Variants in AGPAT3 observed in about 807,000 individuals in gnomAD.
AGPAT3 encodes 1-acyl-sn-glycerol-3-phosphate acyltransferase gamma.
A neutral mutation model predicts 47.3 loss-of-function variants in AGPAT3; 5 were observed. The observed-to-expected ratio is 0.11, with a 90% confidence interval of 0.06 to 0.22. The LOEUF (loss-of-function observed/expected upper bound fraction) is 0.22, where lower values mean the gene tolerates loss of function less well. AGPAT3 is among the 10% of genes least tolerant of loss of function. AGPAT3 has a pLI of 1.00. For missense variants in AGPAT3, 315 were observed against 493.0 expected (o/e 0.64, Z 3.42); for synonymous variants, 212 against 208.3 (o/e 1.02, Z -0.15).
At chr21:43,910,408 G>A (rs2086606466) in intron 2 of AGPAT3, among the ~76,000 whole-genome samples, 1 of 152,356 alleles carries the variant, frequency 6.6e-6, no homozygotes, top group African/African-American at 2.4e-5. Flanking sequence ...AGGAGGAGGT[G>A]AAGTGCTAAT....
In AGPAT3 at chr21:43,970,370, T is replaced by C. The variant is rs2089343484; in HGVS notation, c.511-283T>C. On this transcript the variant is annotated intron_variant, in intron 5 of 9. Transcript: ENST00000291572. The surrounding 1 kb of genome is among the most constrained non-coding windows in gnomAD (Gnocchi z 5.8). ...GAAACCCTCTCTGTTTTCACACTGC[T>C]CAGAGGCTGCTGCCCCAACACACCT... Among the ~76,000 whole-genome samples the C allele has an allele frequency of 6.6e-6, 1 of 152,216 alleles. No homozygotes were observed. Among genetic ancestry groups the C allele is most frequent in the Admixed American group, 6.5e-5 (1 of 15,280 alleles).
At chr21:43,881,062 T>C (rs1031637753) in intron 1 of AGPAT3, among the ~76,000 whole-genome samples, 1 of 152,218 alleles carries the variant, frequency 6.6e-6, no homozygotes, top group Non-Finnish European at 1.5e-5. Flanking sequence ...TAGTAATTAC[T>C]AATTGTTTTT....
intron 2 of AGPAT3, among the ~76,000 whole-genome samples, chr21:43,944,051 C>T (rs1802833136): frequency 6.6e-6 from 1 of 152,330 alleles, no homozygotes; most frequent in East Asian, 1.9e-4. Context: ...CTCAGGACAG[C>T]AGCATCCACT....
At chr21:43,891,773 C>T (rs2086106981) in intron 1 of AGPAT3, among the ~76,000 whole-genome samples, 1 of 152,188 alleles carries the variant, frequency 6.6e-6, no homozygotes, top group African/African-American at 2.4e-5. Context: ...ACTTCTTCTG[C>T]TGAAGTCTTG....
At chr21:43,960,422 A>G (rs949374623) in intron 3 of AGPAT3, among the ~76,000 whole-genome samples, 2 of 152,222 alleles carry the variant, frequency 1.3e-5, no homozygotes, top group Non-Finnish European at 2.9e-5. Flanking sequence ...GTGGACAGGT[A>G]ACCGCTCACA....
At chr21:43,940,917 C>G (rs901908579) in intron 2 of AGPAT3, among the ~76,000 whole-genome samples, 11 of 152,348 alleles carry the variant, frequency 7.2e-5, no homozygotes, top group African/African-American at 2.6e-4. Context: ...GACTCGGTCC[C>G]AACCCCGCTG....
chr21:43,973,962 A>G (rs1439064721), intron 7 of AGPAT3, among the ~76,000 whole-genome samples: 2 of 152,208 alleles, frequency 1.3e-5, no homozygotes, highest in African/African-American at 4.8e-5. Context: ...TAGAATTTTT[A>G]TTTATATTTA....
rs1601346122 is a variant in AGPAT3 at position 43,933,699 on chromosome 21, G to A, written c.-48-25935G>A. Among the ~76,000 whole-genome samples, 3 of 151,950 alleles carry A rather than the reference G, an allele frequency of 2.0e-5. No homozygotes were observed. In the South Asian group the frequency reaches 6.2e-4, roughly 32 times the overall value. On this transcript the variant is annotated intron_variant, in intron 2 of 9. Transcript: ENST00000291572. This position sits in a 1 kb window ranked among gnomAD's most constrained non-coding sequence, Gnocchi z 6.0. ...TGTAGCAGCAAATGTGGGAGGGGCAGCACAGGGGAAAGGTGAGGGGAGAGT... is the reference window on the plus strand; with the variant it reads ...TGTAGCAGCAAATGTGGGAGGGGCAACACAGGGGAAAGGTGAGGGGAGAGT...
At chr21:43,950,397 T>G (rs985303744) in intron 2 of AGPAT3, among the ~76,000 whole-genome samples, 2 of 152,228 alleles carry the variant, frequency 1.3e-5, no homozygotes, top group Non-Finnish European at 1.5e-5. Flanking sequence ...TTCAGGCTTA[T>G]GAAGAGGTAA....
At chr21:43,917,441 G>A (rs1601298509) in intron 2 of AGPAT3, among the ~76,000 whole-genome samples, 2 of 152,228 alleles carry the variant, frequency 1.3e-5, no homozygotes, top group Non-Finnish European at 2.9e-5. Flanking sequence ...GTCCGTCTGT[G>A]TGTCCTCTCT....
intron 1 of AGPAT3, among the ~76,000 whole-genome samples, chr21:43,876,618 G>A (rs2085739125): frequency 6.6e-6 from 1 of 152,194 alleles, no homozygotes; most frequent in Admixed American, 6.5e-5. Flanking sequence ...GATGGTGGAG[G>A]TGGATCTACA....
intron 2 of AGPAT3, among the ~76,000 whole-genome samples, chr21:43,910,002 C>G (rs150442844): frequency 6.6e-6 from 1 of 152,172 alleles, no homozygotes; most frequent in Non-Finnish European, 1.5e-5. Context: ...AGACCTAGGA[C>G]GCATCCTGGG....
chr21:43,958,723 GGT>G (rs1018333352), intron 2 of AGPAT3, among the ~76,000 whole-genome samples: 3 of 146,686 alleles, frequency 2.0e-5, no homozygotes, highest in Admixed American at 6.8e-5. Flanking sequence ...TGTGATGTGT[GGT>G]GTGTGTGGCA....
chr21:43,970,700 C>T lies in AGPAT3; in HGVS notation c.558C>T (p.Arg186=), dbSNP rs61737070. 492 of 1,613,876 alleles carry T rather than the reference C, an allele frequency of 3.0e-4. 1 individual carries two copies. In the African/African-American group the frequency reaches 5.3e-3, roughly 17 times the overall value. ...EGTRFTETKH[R]VSMEVAAAKG... is the part of the protein sequence containing the mutation. ...CGCGCTTCACGGAGACCAAGCACCGCGTTAGCATGGAGGTGGCGGCTGCTA... is the reference window on the plus strand; with the variant it reads ...CGCGCTTCACGGAGACCAAGCACCGTGTTAGCATGGAGGTGGCGGCTGCTA... Residue 186 remains arginine (R), a synonymous_variant, in exon 6 of 10, where the codon CGC becomes CGT. Transcript: ENST00000291572. This position sits in a 1 kb window ranked among gnomAD's most constrained non-coding sequence, Gnocchi z 5.8.
intron 1 of AGPAT3, among the ~76,000 whole-genome samples, chr21:43,890,894 C>T (rs528855550): frequency 1.7e-3 from 252 of 152,166 alleles, no homozygotes; most frequent in African/African-American, 5.6e-3. Context: ...CCCGCCACCA[C>T]GCCTGGATAA....
chr21:43,939,616 G>A lies in AGPAT3; in HGVS notation c.-48-20018G>A, dbSNP rs1240769389. 2.0e-5 allele frequency among the ~76,000 whole-genome samples: 3 copies of A among 152,220 alleles called. No homozygotes were observed. Among genetic ancestry groups the A allele is most frequent in the Non-Finnish European group, 4.4e-5 (3 of 68,034 alleles). ...GCGCCTGGCCTGTCCGGCAGGCTGG[G>A]TGGCTGTTCTCTGTTGAGCCCACAG... On this transcript the variant is annotated intron_variant, in intron 2 of 9. Coordinates refer to ENST00000291572, the MANE Select transcript of AGPAT3 (RefSeq NM_020132.5). This position sits in a 1 kb window ranked among gnomAD's most constrained non-coding sequence, Gnocchi z 4.4.
rs971931618 is a variant in AGPAT3, at chr21:43,908,270, G to T, written c.-49+4251G>T. On this transcript the variant is annotated intron_variant, in intron 2 of 9. Transcript: ENST00000291572. The surrounding 1 kb of genome is among the most constrained non-coding windows in gnomAD (Gnocchi z 4.9). ...AGAGCTGGCAGCTTTGTTGGGGCTG[G>T]TCACTCCCCAGCCCTGAGGACTCTG... Among the ~76,000 whole-genome samples the T allele has an allele frequency of 6.6e-6, 1 of 152,122 alleles. No homozygotes were observed. The highest frequency in any genetic ancestry group is 6.5e-5 in the Admixed American group (1 of 15,276).
At chr21:43,958,887 G>T (rs1191952085) in intron 2 of AGPAT3, among the ~76,000 whole-genome samples, 1 of 141,264 alleles carries the variant, frequency 7.1e-6, no homozygotes, top group Non-Finnish European at 1.5e-5. Context: ...GGTGTGTATG[G>T]TGTGTGTGTG....
chr21:43,928,695 A>G (rs370000356), intron 2 of AGPAT3, among the ~76,000 whole-genome samples: 5 of 152,350 alleles, frequency 3.3e-5, no homozygotes, highest in Admixed American at 1.3e-4. Context: ...ATCACTTTCC[A>G]TGTAGGAGTT....
Sources: gnomAD v4.1 joint callset for allele counts (sites outside exome capture counted in the v4.1 genomes callset) on GRCh38, gnomAD v4.1.1 for gene constraint, Gnocchi (gnomAD v3.1) non-coding constraint, MANE v1.5 for transcripts, NCBI Gene and HGNC (gene_info 2026-07-23, HGNC 2026-07-21) for gene names.